The following PARD3 variants were observed in gnomAD, a reference collection of about 807,000 sequenced individuals.
PARD3 encodes the protein partitioning defective 3 homolog.
A neutral mutation model predicts 155.4 loss-of-function variants in PARD3; 75 were observed. That is an observed-to-expected ratio of 0.48 (90% CI 0.40 to 0.58). The LOEUF (loss-of-function observed/expected upper bound fraction) is 0.58, where lower values mean the gene tolerates loss of function less well. Ranked by LOEUF, PARD3 falls within the 20% of genes least tolerant of loss-of-function variation. The pLI is 0.00. For synonymous variants in PARD3, 576 were observed against 610.5 expected (o/e 0.94, Z 0.83); for missense variants, 1,642 against 1,721.7 (o/e 0.95, Z 0.82).
At chr10:34,646,723 TA>T (rs1390057958) in intron 2 of PARD3, among the ~76,000 whole-genome samples, 1 of 152,184 alleles carries the variant, frequency 6.6e-6, no homozygotes, top group Non-Finnish European at 1.5e-5. Context: ...TGGAGTGCAA[TA>T]GCACAATCAT....
intron 7 of PARD3, among the ~76,000 whole-genome samples, chr10:34,395,705 C>T (rs1011279312): frequency 1.2e-5 from 1 of 80,016 alleles, no homozygotes; most frequent in Non-Finnish European, 2.1e-5. Context: ...GGCGCGGTGG[C>T]GGGCGCCTGT....
intron 2 of PARD3, among the ~76,000 whole-genome samples, chr10:34,546,711 A>G (rs962772807): frequency 1.3e-5 from 2 of 152,212 alleles, no homozygotes; most frequent in Admixed American, 6.5e-5. Flanking sequence ...CCTCATCAAT[A>G]AGTTCCAGGG....
chr10:34,221,199 C>T (rs568898766), intron 22 of PARD3, among the ~76,000 whole-genome samples: 28 of 152,290 alleles, frequency 1.8e-4, no homozygotes, highest in African/African-American at 3.1e-4. Context: ...TAAAGGCGCA[C>T]GTGCATGGTG....
intron 22 of PARD3, among the ~76,000 whole-genome samples, chr10:34,136,257 T>A (rs1564422358): frequency 6.6e-6 from 1 of 152,156 alleles, no homozygotes; most frequent in East Asian, 1.9e-4. Flanking sequence ...TCCTAAACTG[T>A]CCCCTCCTTC....
chr10:34,490,584 C>T (rs568705427), intron 3 of PARD3, among the ~76,000 whole-genome samples: 6 of 152,328 alleles, frequency 3.9e-5, no homozygotes, highest in South Asian at 2.1e-4. Context: ...TGAGCCACCA[C>T]GCCCAGCCTG....
chr10:34,315,842 TGAGA>T (rs1465999590), intron 20 of PARD3, among the ~76,000 whole-genome samples: 1 of 152,188 alleles, frequency 6.6e-6, no homozygotes, highest in Non-Finnish European at 1.5e-5. Flanking sequence ...TCTGAAGCAC[TGAGA>T]GACAGAAATC....
chr10:34,244,222 C>T (rs944004862), intron 22 of PARD3, among the ~76,000 whole-genome samples: 2 of 152,094 alleles, frequency 1.3e-5, no homozygotes, highest in South Asian at 2.1e-4. Context: ...CCAGTAGTTT[C>T]GCTTAGAATT....
At chr10:34,371,485 T>TAAAAAAA (rs1840606997) in intron 12 of PARD3, among the ~76,000 whole-genome samples, 2 of 29,634 alleles carry the variant, frequency 6.7e-5, no homozygotes. Context: ...GATTCTAGAC[T>TAAAAAAA]CAAAAAAAAA....
At position 34,708,290 on chromosome 10, in the gene PARD3, C is replaced by T. The variant is rs138246068; in HGVS notation, c.121-11871G>A. 1.3e-3 allele frequency among the ~76,000 whole-genome samples: 196 copies of T among 150,448 alleles called. 2 individuals are homozygous for T. The East Asian group carries it at 0.031, about 24-fold the overall frequency. On this transcript the variant is annotated intron_variant, in intron 1 of 24. Transcript: ENST00000374788. ...AGGAAAAAAAAAAAAAAGTCCACTT[C>T]GTCTGATATCTAAGTGCAATGTATG...
chr10:34,451,540 T>C (rs1004573586), intron 4 of PARD3, among the ~76,000 whole-genome samples: 3 of 152,172 alleles, frequency 2.0e-5, no homozygotes, highest in African/African-American at 7.2e-5. Context: ...AACTTAGTTA[T>C]AGATCAGGAT....
intron 1 of PARD3, among the ~76,000 whole-genome samples, chr10:34,779,922 G>A (rs1840051848): frequency 6.6e-6 from 1 of 152,154 alleles, no homozygotes; most frequent in African/African-American, 2.4e-5. Context: ...TGTCTTCTCT[G>A]AGTCCCTTCT....
At chr10:34,117,335 C>T (rs1266790635) in intron 24 of PARD3, among the ~76,000 whole-genome samples, 1 of 152,186 alleles carries the variant, frequency 6.6e-6, no homozygotes, top group African/African-American at 2.4e-5. Flanking sequence ...AGTGCCCTGG[C>T]CCACCCGTGT....
At chr10:34,154,779 G>C (rs1257436120) in intron 22 of PARD3, among the ~76,000 whole-genome samples, 2 of 152,110 alleles carry the variant, frequency 1.3e-5, no homozygotes, top group East Asian at 3.9e-4. Context: ...ACTACCTCCA[G>C]GTGTTGAAAC....
intron 3 of PARD3, among the ~76,000 whole-genome samples, chr10:34,485,867 T>C (rs1174695341): frequency 1.3e-5 from 2 of 151,908 alleles, no homozygotes; most frequent in South Asian, 2.1e-4. Context: ...CATTTTGTTA[T>C]ATATTTTATT....
chr10:34,366,458 T>C (rs891339073), intron 12 of PARD3, among the ~76,000 whole-genome samples: 1 of 151,994 alleles, frequency 6.6e-6, no homozygotes, highest in Non-Finnish European at 1.5e-5. Context: ...AGTAACCCCA[T>C]CATAAATTGA....
At chr10:34,752,014 G>A (rs759490072) in intron 1 of PARD3, among the ~76,000 whole-genome samples, 11 of 151,958 alleles carry the variant, frequency 7.2e-5, no homozygotes, top group Non-Finnish European at 1.5e-4. Flanking sequence ...ACCAGAGAAC[G>A]GGAAGTAAAG....
chr10:34,459,756 T>C (rs1379562579), intron 4 of PARD3, among the ~76,000 whole-genome samples: 1 of 152,166 alleles, frequency 6.6e-6, no homozygotes, highest in Non-Finnish European at 1.5e-5. Context: ...TATATTTAAA[T>C]AAATTACTAC....
intron 22 of PARD3, among the ~76,000 whole-genome samples, chr10:34,182,131 C>A (rs1216511210): frequency 1.3e-5 from 2 of 152,192 alleles, no homozygotes; most frequent in Non-Finnish European, 2.9e-5. Flanking sequence ...AAAGAAAGTG[C>A]TTGTCTTGCT....
intron 1 of PARD3, among the ~76,000 whole-genome samples, chr10:34,749,765 G>C (rs1835756555): frequency 6.6e-6 from 1 of 152,128 alleles, no homozygotes; most frequent in African/African-American, 2.4e-5. Context: ...GCTCACACCT[G>C]TAATCCCAGC....
Sources: allele counts gnomAD v4.1 joint callset (sites outside exome capture counted in the v4.1 genomes callset), GRCh38; gene constraint gnomAD v4.1.1; transcripts MANE v1.5; gene names NCBI Gene and HGNC (gene_info 2026-07-23, HGNC 2026-07-21).